Variants in EFR3B observed in about 807,000 individuals in gnomAD.
The protein encoded by EFR3B is protein EFR3 homolog B.
Under a neutral mutation model 104.7 loss-of-function variants are expected in EFR3B, and 64 were observed. The observed-to-expected ratio is 0.61, with a 90% confidence interval of 0.50 to 0.75. The LOEUF (loss-of-function observed/expected upper bound fraction) is 0.75. EFR3B is among the 30% of genes least tolerant of loss of function. EFR3B has a pLI of 0.00. For synonymous variants in EFR3B, 385 were observed against 417.9 expected (o/e 0.92, Z 0.96); for missense variants, 750 against 1,078.5 (o/e 0.70, Z 4.27).
intron 11 of EFR3B, 124 bp downstream of exon 11, chr2:25,133,138 C>T (rs1573227575): frequency 2.0e-6 from 2 of 981,908 alleles, no homozygotes; most frequent in Admixed American, 4.6e-5. Context: ...TCCCAAATCC[C>T]TCAGCAGCCT....
At chr2:25,058,813 GGAGAAAC>G (rs1448651005) in intron 1 of EFR3B, among the ~76,000 whole-genome samples, 1 of 149,834 alleles carries the variant, frequency 6.7e-6, no homozygotes, top group Non-Finnish European at 1.5e-5. Context: ...GTGAGGTTGT[GGAGAAAC>G]TGGAACCATC....
chr2:25,132,881 C>T lies in EFR3B; in HGVS notation c.1148-22C>T, dbSNP rs1170380523. 3 of 1,546,354 alleles carry T rather than the reference C, an allele frequency of 1.9e-6. No individual in the cohort carries two copies. In the Admixed American group the frequency reaches 5.9e-5, roughly 30 times the overall value. On this transcript the variant is annotated intron_variant, in intron 10 of 22. Coordinates refer to ENST00000403714, the MANE Select transcript of EFR3B (RefSeq NM_014971.2). ...CCTGGAGCCTGTGCCTCACTGGGCA[C>T]CCTCTCCGCCACCTCCTGCAGGCTC...
chr2:25,126,281 C>G (rs538432000), intron 5 of EFR3B, among the ~76,000 whole-genome samples: 1 of 152,282 alleles, frequency 6.6e-6, no homozygotes, highest in Non-Finnish European at 1.5e-5. Context: ...CTTTGCCTCC[C>G]AGGCTCAATC....
intron 10 of EFR3B, among the ~76,000 whole-genome samples, chr2:25,132,594 A>ACCCCCCCCTC (rs1670378577): frequency 7.7e-6 from 1 of 130,044 alleles, no homozygotes; most frequent in African/African-American, 2.9e-5. Flanking sequence ...GCTCCCCCCG[A>ACCCCCCCCTC]CCCCCCGCTC....
chr2:25,052,436 A>G (rs1667896947), intron 1 of EFR3B, among the ~76,000 whole-genome samples: 1 of 151,880 alleles, frequency 6.6e-6, no homozygotes, highest in Non-Finnish European at 1.5e-5. Context: ...CTGAGTAACA[A>G]CACAGTTACT....
At chr2:25,088,978 C>T (rs546121529) in intron 1 of EFR3B, among the ~76,000 whole-genome samples, 4 of 152,294 alleles carry the variant, frequency 2.6e-5, no homozygotes, top group Admixed American at 2.0e-4. Context: ...GACTGGTTCC[C>T]GCCCACCATG....
At chr2:25,095,538 A>G (rs1368514953) in intron 3 of EFR3B, among the ~76,000 whole-genome samples, 2 of 152,104 alleles carry the variant, frequency 1.3e-5, no homozygotes, top group Admixed American at 6.5e-5. Flanking sequence ...TCTATCAAAA[A>G]TACAAAAATT....
intron 12 of EFR3B, 67 bp from the exon 13 acceptor site, chr2:25,135,400 C>T: frequency 6.5e-7 from 1 of 1,527,066 alleles, no homozygotes; most frequent in Non-Finnish European, 8.9e-7. Flanking sequence ...CTGGCTGCTC[C>T]TCCATCTCCT....
At chr2:25,132,853 G>A in intron 10 of EFR3B, 50 bp from the exon 11 acceptor site, 1 of 1,460,328 alleles carries the variant, frequency 6.8e-7, no homozygotes, top group Non-Finnish European at 9.4e-7. Flanking sequence ...AACCAGGAGG[G>A]GCCCTGGAGC....
At chr2:25,117,659 A>C (rs1453015358) in intron 4 of EFR3B, among the ~76,000 whole-genome samples, 2 of 151,492 alleles carry the variant, frequency 1.3e-5, no homozygotes, top group East Asian at 3.9e-4. Context: ...TGATCTGCCC[A>C]CCTTGGCCTC....
At chr2:25,062,987 G>A (rs942364176) in intron 1 of EFR3B, among the ~76,000 whole-genome samples, 3 of 151,826 alleles carry the variant, frequency 2.0e-5, no homozygotes, top group East Asian at 3.9e-4. Context: ...GTAGTGGCGC[G>A]ACCTCGGCTC....
intron 1 of EFR3B, among the ~76,000 whole-genome samples, chr2:25,077,082 C>T (rs993969191): frequency 1.3e-5 from 2 of 152,240 alleles, no homozygotes; most frequent in African/African-American, 4.8e-5. Context: ...ATGTACCCCT[C>T]TCCTGCAGCC....
In EFR3B at chr2:25,154,337, C is replaced by G; in HGVS notation, c.2451C>G (p.Tyr817Ter). 6.4e-7 allele frequency: 1 copy of G among 1,552,102 alleles called. No homozygotes were observed. Among genetic ancestry groups the G allele is most frequent in the Non-Finnish European group, 8.7e-7 (1 of 1,147,002 alleles). Residue 817 changes from tyrosine to a stop codon, truncating the protein, a stop_gained, in exon 23 of 23, where the codon TAC (tyrosine) becomes TAG (stop). Coordinates refer to ENST00000403714, the MANE Select transcript of EFR3B (RefSeq NM_014971.2). LOFTEE classifies it high-confidence loss of function. The surrounding 1 kb of genome is among the most constrained non-coding windows in gnomAD (Gnocchi z 4.1). ...YEMKFPDLCVY is the reference protein window; with the variant it reads ...YEMKFPDLCV ...TGAAGTTTCCCGATCTGTGTGTATA[C>G]TGAATTCCAAGAGCCTGAGCTCCTC...
rs1667593657 is a variant in EFR3B at position 25,042,283 on chromosome 2, G to T, written c.-30G>T. On this transcript the variant is annotated 5_prime_UTR_variant, in exon 1 of 23. Coordinates refer to ENST00000403714, the MANE Select transcript of EFR3B (RefSeq NM_014971.2). The surrounding 1 kb of genome is among the most constrained non-coding windows in gnomAD (Gnocchi z 5.4). ...TGGCTGGGAACGCCGCAGCGACGCCGGCCTCTCGAGAGGCGCGCGCCCCGC... is the reference window on the plus strand; with the variant it reads ...TGGCTGGGAACGCCGCAGCGACGCCTGCCTCTCGAGAGGCGCGCGCCCCGC... 3.1e-6 allele frequency: 4 copies of T among 1,305,174 alleles called. No individual in the cohort carries two copies. Among genetic ancestry groups the T allele is most frequent in the Admixed American group, 7.7e-5 (2 of 25,954 alleles). 80.8% of individuals were successfully genotyped at this position (1,305,174 alleles called of 1,614,324 possible). A position where few individuals can be genotyped will look rare whatever the true frequency, so the allele number is the denominator to read the frequency against.
In EFR3B at chr2:25,103,647, A is replaced by G; in HGVS notation, c.223A>G (p.Ile75Val). 1 of 1,550,548 alleles carries G rather than the reference A, an allele frequency of 6.4e-7. No individual in the cohort carries two copies. The highest frequency in any genetic ancestry group is 8.7e-7 in the Non-Finnish European group (1 of 1,146,212). ...VGRHRYGYVC[I>V]AMEALDQLLM... ...TGCTGCCCTCCCCAGGTACGTGTGC[A>G]TTGCTATGGAGGCTTTGGACCAGCT... Residue 75 changes from isoleucine (I) to valine (V), a missense_variant, in exon 4 of 23, where the codon ATT (isoleucine) becomes GTT (valine). Transcript: ENST00000403714.
chr2:25,124,941 C>A lies in EFR3B; in HGVS notation c.485+3147C>A, dbSNP rs550162460. On this transcript the variant is annotated intron_variant, in intron 5 of 22. Coordinates refer to ENST00000403714, the MANE Select transcript of EFR3B (RefSeq NM_014971.2). The stretch of plus-strand genomic sequence containing the variant: ...GGCATGGTAGCGCACAACTGTAGTC[C>A]CAGCTACTCAGGTGGCTGAGGTACA... Among the ~76,000 whole-genome samples, 81 of 151,928 alleles carry A rather than the reference C, an allele frequency of 5.3e-4. 1 individual carries two copies. The highest frequency in any genetic ancestry group is 1.8e-3 in the African/African-American group (73 of 41,384).
chr2:25,045,103 C>CAAGAGCCTGTCCTCTTTGGGCCCCCTTGG (rs1667680408), intron 1 of EFR3B, among the ~76,000 whole-genome samples: 2 of 152,196 alleles, frequency 1.3e-5, no homozygotes, highest in Non-Finnish European at 2.9e-5. Context: ...ACTGGTTGCT[C>CAAGAGCCTGTCCTCTTTGGGCCCCCTTGG]AAGAGCCTGT....
At position 25,156,518 on chromosome 2, in the gene EFR3B, AAC is replaced by A. The variant is rs1671175809; in HGVS notation, c.*2179_*2180del. Reference sequence around the variant, plus strand: ...CACCGTGTTGGCCAGGCTGGTCTGGAACTCCTGATCTCAAGTGATCCGCCCGC... The same window carrying A: ...CACCGTGTTGGCCAGGCTGGTCTGGATCCTGATCTCAAGTGATCCGCCCGC... On this transcript the variant is annotated 3_prime_UTR_variant, in exon 23 of 23. Transcript: ENST00000403714. 1 of 151,480 alleles carries A rather than the reference AAC, an allele frequency of 6.6e-6. No homozygotes were observed. Among genetic ancestry groups the A allele is most frequent in the Non-Finnish European group, 1.5e-5 (1 of 67,888 alleles). 9.4% of individuals were successfully genotyped at this position (151,480 alleles called of 1,614,324 possible).
intron 17 of EFR3B, among the ~76,000 whole-genome samples, chr2:25,142,118 GC>G (rs1670685237): frequency 6.6e-6 from 1 of 152,106 alleles, no homozygotes; most frequent in African/African-American, 2.4e-5. Context: ...GGGCCGCAAA[GC>G]AAGAACCCAT....
Sources: gnomAD v4.1 joint callset for allele counts (sites outside exome capture counted in the v4.1 genomes callset) on GRCh38, gnomAD v4.1.1 for gene constraint, Gnocchi (gnomAD v3.1) non-coding constraint, MANE v1.5 for transcripts, NCBI Gene and HGNC (gene_info 2026-07-23, HGNC 2026-07-21) for gene names.